CPA6: variants seen among roughly 807,000 people sequenced by gnomAD.
The protein encoded by CPA6 is carboxypeptidase B.
In CPA6, 58 loss-of-function variants were observed where a neutral mutation model predicts 63.3. The observed-to-expected ratio is 0.92, with a 90% CI of 0.74 to 1.14. The LOEUF (loss-of-function observed/expected upper bound fraction) is 1.14. Among genes scored for constraint, CPA6 ranks in the 50% most tolerant of loss-of-function variants. The pLI is 0.00. For missense variants in CPA6, 565 were observed against 526.6 expected (o/e 1.07, Z -0.71); for synonymous variants, 185 against 179.0 (o/e 1.03, Z -0.27).
intron 3 of CPA6, among the ~76,000 whole-genome samples, chr8:67,512,762 T>G (rs1007879689): frequency 5.9e-5 from 9 of 152,242 alleles, no homozygotes. Flanking sequence ...AAGAACCTGT[T>G]GTTTAATGGT....
At chr8:67,433,150 C>T (rs1810065743) in intron 9 of CPA6, among the ~76,000 whole-genome samples, 1 of 152,158 alleles carries the variant, frequency 6.6e-6, no homozygotes, top group Non-Finnish European at 1.5e-5. Context: ...GAGTTGATTG[C>T]TCAACAAACG....
intron 8 of CPA6, among the ~76,000 whole-genome samples, chr8:67,443,958 A>T (rs1587430792): frequency 1.3e-5 from 2 of 148,906 alleles, no homozygotes; most frequent in African/African-American, 2.5e-5. Context: ...ATAACATCTT[A>T]CCTCTCTGGC....
In CPA6 at chr8:67,550,265, AG is replaced by A. The variant is rs1480015572; in HGVS notation, c.193-32219del. On this transcript the variant is annotated intron_variant, in intron 2 of 10. Coordinates refer to ENST00000297770, the MANE Select transcript of CPA6 (RefSeq NM_020361.5). ...TTATGTCCGTGAGTACTTGATGTTT[AG>A]CTCCCACTTATAAGTGAGAACATGT... Among the ~76,000 whole-genome samples the A allele has an allele frequency of 1.3e-4, 20 of 151,838 alleles. No homozygotes were observed. In the East Asian group the frequency reaches 2.1e-3, roughly 16 times the overall value.
At position 67,634,216 on chromosome 8, in the gene CPA6, ATTAT is replaced by A. The variant is rs1304446512; in HGVS notation, c.117-9969_117-9966del. Among the ~76,000 whole-genome samples the A allele has an allele frequency of 4.5e-4, 42 of 94,270 alleles. 1 individual carries two copies. The highest frequency in any genetic ancestry group is 2.3e-3 in the South Asian group (7 of 3,046). The allele number at this position is 94,270 out of a possible 152,430, so 61.8% of individuals were successfully genotyped here. ...TATTATTATTATTATTATTATTATT[ATTAT>A]TTATTTGTTTTTTTTTTGAGACGGA... On this transcript the variant is annotated intron_variant, in intron 1 of 10. Transcript: ENST00000297770.
intron 1 of CPA6, among the ~76,000 whole-genome samples, chr8:67,699,679 C>T (rs1309630711): frequency 6.6e-6 from 1 of 151,844 alleles, no homozygotes; most frequent in Non-Finnish European, 1.5e-5. Flanking sequence ...TCTCCACCTT[C>T]CAGGTTCAAG....
chr8:67,706,923 A>T (rs1317042057), intron 1 of CPA6, among the ~76,000 whole-genome samples: 1 of 152,166 alleles, frequency 6.6e-6, no homozygotes, highest in African/African-American at 2.4e-5. Flanking sequence ...TGTTATTGGT[A>T]TGTGTTCCAA....
intron 2 of CPA6, among the ~76,000 whole-genome samples, chr8:67,610,656 T>C (rs1486320270): frequency 6.6e-6 from 1 of 152,174 alleles, no homozygotes; most frequent in Non-Finnish European, 1.5e-5. Context: ...GGGAACCATG[T>C]TTGTCTATGG....
At chr8:67,711,686 T>TACACACACACACACAC (rs5892094) in intron 1 of CPA6, among the ~76,000 whole-genome samples, 218 of 133,950 alleles carry the variant, frequency 1.6e-3, no homozygotes, top group African/African-American at 6.4e-3. Flanking sequence ...TATGCCTGTG[T>TACACACACACACACAC]ACACACACAC....
chr8:67,629,616 G>A (rs945194813), intron 1 of CPA6, among the ~76,000 whole-genome samples: 4 of 152,230 alleles, frequency 2.6e-5, no homozygotes, highest in South Asian at 2.1e-4. Context: ...AATCTGTGAT[G>A]GATAGCGGTT....
chr8:67,620,274 A>T (rs560782272), intron 2 of CPA6, among the ~76,000 whole-genome samples: 1 of 152,290 alleles, frequency 6.6e-6, no homozygotes, highest in East Asian at 1.9e-4. Context: ...TGCTCATCTG[A>T]TTTAGGTCAG....
chr8:67,745,164 T>C (rs1336901071), intron 1 of CPA6, among the ~76,000 whole-genome samples: 1 of 152,238 alleles, frequency 6.6e-6, no homozygotes, highest in South Asian at 2.1e-4. Flanking sequence ...TTTAAAAATA[T>C]GTAAGACACT....
chr8:67,593,434 T>C (rs1336801542), intron 2 of CPA6, among the ~76,000 whole-genome samples: 3 of 152,156 alleles, frequency 2.0e-5, no homozygotes, highest in Non-Finnish European at 4.4e-5. Context: ...AATTCCTGGG[T>C]ATCCTTGTTA....
chr8:67,630,079 C>G (rs528513557), intron 1 of CPA6, among the ~76,000 whole-genome samples: 12 of 150,092 alleles, frequency 8.0e-5, no homozygotes, highest in Non-Finnish European at 1.3e-4. Flanking sequence ...CACTCCAGTC[C>G]GGGCGACAGA....
chr8:67,547,470 C>T (rs1230298561), intron 2 of CPA6, among the ~76,000 whole-genome samples: 2 of 150,078 alleles, frequency 1.3e-5, no homozygotes, highest in Non-Finnish European at 3.0e-5. Flanking sequence ...TTTTAACTTT[C>T]TACACTATTA....
At chr8:67,582,016 AG>A (rs1475497680) in intron 2 of CPA6, among the ~76,000 whole-genome samples, 1 of 152,180 alleles carries the variant, frequency 6.6e-6, no homozygotes, top group Non-Finnish European at 1.5e-5. Context: ...AAGGAGCAGG[AG>A]AAAAATTAAA....
intron 1 of CPA6, among the ~76,000 whole-genome samples, chr8:67,637,959 GCCCTTAGTA>G (rs1422497232): frequency 1.3e-5 from 2 of 149,660 alleles, no homozygotes; most frequent in Non-Finnish European, 2.9e-5. Flanking sequence ...CCAGAAGAAA[GCCCTTAGTA>G]ATGCTAGAAA....
intron 1 of CPA6, among the ~76,000 whole-genome samples, chr8:67,737,776 G>A (rs1446072503): frequency 6.6e-6 from 1 of 152,182 alleles, no homozygotes; most frequent in Admixed American, 6.5e-5. Context: ...CATCCCCAAT[G>A]ACTCTAGAGA....
At chr8:67,476,017 CT>C (rs1811228493) in intron 8 of CPA6, among the ~76,000 whole-genome samples, 1 of 145,936 alleles carries the variant, frequency 6.9e-6, no homozygotes, top group Non-Finnish European at 1.5e-5. Context: ...TCTTTCCTTC[CT>C]TTCTTCCTTT....
At chr8:67,639,096 C>T (rs1426378423) in intron 1 of CPA6, among the ~76,000 whole-genome samples, 1 of 151,596 alleles carries the variant, frequency 6.6e-6, no homozygotes, top group Admixed American at 6.6e-5. Flanking sequence ...CAGAATTAGG[C>T]CTGTAGAGCC....
Sources: gnomAD v4.1 joint callset for allele counts (sites outside exome capture counted in the v4.1 genomes callset) on GRCh38, gnomAD v4.1.1 for gene constraint, MANE v1.5 for transcripts, NCBI Gene and HGNC (gene_info 2026-07-23, HGNC 2026-07-21) for gene names.